Variants in LHFPL3 observed in about 807,000 individuals in gnomAD.
LHFPL3 encodes LHFPL tetraspan subfamily member 3.
A neutral mutation model predicts 19.3 loss-of-function variants in LHFPL3; 5 were observed. The observed-to-expected ratio is 0.26, with a 90% CI of 0.14 to 0.54. The LOEUF (loss-of-function observed/expected upper bound fraction) is 0.54, where lower values mean the gene tolerates loss of function less well. LHFPL3 is among the 20% of genes least tolerant of loss of function. The probability of loss-of-function intolerance (pLI) is 0.94; values close to 1 mark genes in which losing one functional copy is unlikely to be tolerated. For missense variants in LHFPL3, 249 were observed against 307.4 expected, an observed-to-expected ratio of 0.81 and a Z score of 1.42; for synonymous variants, 133 against 126.2, an observed-to-expected ratio of 1.05 and a Z score of -0.36.
In LHFPL3 at chr7:104,417,635, T is replaced by A. The variant is rs79582573; in HGVS notation, c.445+88411T>A. On this transcript the variant is annotated intron_variant, in intron 1 of 2. Transcript: ENST00000424859. ...TTGCTGCCATTGTTTTTGCTAAGGA[T>A]CAACAAATTATATGTAAAATATCTA... Among the ~76,000 whole-genome samples the A allele has an allele frequency of 6.5e-3, 986 of 152,260 alleles. 76 individuals are homozygous for A. The East Asian group carries it at 0.16, about 25-fold the overall frequency.
At chr7:104,746,982 C>T (rs1322973941) in intron 2 of LHFPL3, among the ~76,000 whole-genome samples, 2 of 152,130 alleles carry the variant, frequency 1.3e-5, no homozygotes, top group Non-Finnish European at 2.9e-5. Context: ...CCTCCACATG[C>T]TTAAATTTAA....
At chr7:104,840,307 TC>T (rs1461824043) in intron 2 of LHFPL3, among the ~76,000 whole-genome samples, 183 of 43,476 alleles carry the variant, frequency 4.2e-3, no homozygotes, top group Admixed American at 9.4e-3. Context: ...TTGTGGGTTT[TC>T]TTTTTTTTTT....
intron 1 of LHFPL3, among the ~76,000 whole-genome samples, chr7:104,583,095 G>T (rs10156210): frequency 1.6e-4 from 24 of 151,988 alleles, no homozygotes; most frequent in African/African-American, 5.8e-4. Context: ...CCAGCATGGT[G>T]CTAGTACCAA....
At chr7:104,860,751 G>A (rs1474356178) in intron 2 of LHFPL3, among the ~76,000 whole-genome samples, 1 of 152,166 alleles carries the variant, frequency 6.6e-6, no homozygotes, top group Non-Finnish European at 1.5e-5. Context: ...CTCTACCAGT[G>A]AATGCCTGTC....
At chr7:104,352,283 A>G (rs1477036976) in intron 1 of LHFPL3, among the ~76,000 whole-genome samples, 1 of 152,084 alleles carries the variant, frequency 6.6e-6, no homozygotes, top group East Asian at 1.9e-4. Flanking sequence ...TAGAAAATGA[A>G]TAATATATGT....
At chr7:104,870,748 A>AG (rs1292701758) in intron 2 of LHFPL3, among the ~76,000 whole-genome samples, 3 of 152,180 alleles carry the variant, frequency 2.0e-5, no homozygotes, top group African/African-American at 7.2e-5. Context: ...GTGTGGCATC[A>AG]GGGAGGTCAC....
intron 1 of LHFPL3, chr7:104,668,919 G>A (rs942096147): frequency 5.0e-5 from 81 of 1,612,326 alleles, no homozygotes; most frequent in Non-Finnish European, 5.8e-5. Flanking sequence ...AGCTGGATGG[G>A]CCAAAACTAG....
chr7:104,545,007 G>A (rs1794554663), intron 1 of LHFPL3, among the ~76,000 whole-genome samples: 1 of 152,128 alleles, frequency 6.6e-6, no homozygotes, highest in African/African-American at 2.4e-5. Context: ...ATGCCAAAAT[G>A]GGTACTTGCA....
chr7:104,435,860 G>C (rs1792094070), intron 1 of LHFPL3, among the ~76,000 whole-genome samples: 3 of 151,610 alleles, frequency 2.0e-5, no homozygotes, highest in Admixed American at 6.6e-5. Context: ...AGGCCAACTT[G>C]GTTCCTTTTG....
intron 1 of LHFPL3, among the ~76,000 whole-genome samples, chr7:104,587,164 C>A (rs1479282518): frequency 1.3e-5 from 2 of 152,112 alleles, no homozygotes; most frequent in Admixed American, 6.5e-5. Context: ...TACGTGTGCA[C>A]AACGTGCAGG....
intron 1 of LHFPL3, among the ~76,000 whole-genome samples, chr7:104,443,529 A>T (rs1792267786): frequency 6.6e-6 from 1 of 152,222 alleles, no homozygotes; most frequent in Admixed American, 6.5e-5. Context: ...AAAGATCTCC[A>T]TGCCAACCAG....
chr7:104,667,332 G>T (rs1792376226), intron 1 of LHFPL3, among the ~76,000 whole-genome samples: 1 of 151,508 alleles, frequency 6.6e-6, no homozygotes, highest in Non-Finnish European at 1.5e-5. Flanking sequence ...GTGTTTTATG[G>T]TGGCTATGCC....
chr7:104,720,435 A>G (rs1185517598), intron 1 of LHFPL3, among the ~76,000 whole-genome samples: 1 of 152,162 alleles, frequency 6.6e-6, no homozygotes, highest in Non-Finnish European at 1.5e-5. Context: ...AACCATAAAA[A>G]CCCTAGAAGA....
intron 1 of LHFPL3, among the ~76,000 whole-genome samples, chr7:104,610,276 C>T (rs540150113): frequency 6.6e-6 from 1 of 152,092 alleles, no homozygotes; most frequent in African/African-American, 2.4e-5. Context: ...TAAAGCAAGG[C>T]CAACCCTTCT....
chr7:104,484,327 G>A (rs1584351939), intron 1 of LHFPL3, among the ~76,000 whole-genome samples: 3 of 152,170 alleles, frequency 2.0e-5, no homozygotes, highest in African/African-American at 7.2e-5. Flanking sequence ...TGCTACACTT[G>A]CCCCACCCTC....
intron 2 of LHFPL3, chr7:104,796,582 A>C (rs1790133359): frequency 6.6e-6 from 1 of 152,362 alleles, no homozygotes; most frequent in Non-Finnish European, 1.5e-5. Flanking sequence ...ACGGAAAATG[A>C]GGCCAAATTG....
intron 1 of LHFPL3, among the ~76,000 whole-genome samples, chr7:104,586,136 A>T (rs1029086041): frequency 2.6e-5 from 4 of 152,202 alleles, no homozygotes; most frequent in Non-Finnish European, 4.4e-5. Flanking sequence ...GAACCATGAA[A>T]ATAAAATTCA....
intron 1 of LHFPL3, among the ~76,000 whole-genome samples, chr7:104,459,442 A>C (rs1792614901): frequency 6.6e-6 from 1 of 152,210 alleles, no homozygotes; most frequent in Non-Finnish European, 1.5e-5. Context: ...AATAAGATAC[A>C]TTGGCCAGGA....
At chr7:104,781,152 C>G (rs1330313892) in intron 2 of LHFPL3, among the ~76,000 whole-genome samples, 1 of 152,130 alleles carries the variant, frequency 6.6e-6, no homozygotes, top group African/African-American at 2.4e-5. Context: ...CCCAAGGATA[C>G]AAATTTTCTT....
Sources: gnomAD v4.1 joint callset for allele counts (sites outside exome capture counted in the v4.1 genomes callset) on GRCh38, gnomAD v4.1.1 for gene constraint, MANE v1.5 for transcripts, NCBI Gene and HGNC (gene_info 2026-07-23, HGNC 2026-07-21) for gene names.